NECTIN4: variants seen among roughly 807,000 people sequenced by gnomAD.
NECTIN4 encodes the protein nectin-4.
NECTIN4 carries 19 observed loss-of-function variants against 51.7 expected under a neutral mutation model. The observed-to-expected ratio is 0.37, with a 90% confidence interval of 0.26 to 0.54. NECTIN4 has a LOEUF of 0.54. NECTIN4 is among the 20% of genes least tolerant of loss of function. NECTIN4 has a pLI of 0.86. For missense variants in NECTIN4, 619 were observed against 662.4 expected, an observed-to-expected ratio of 0.93 and a Z score of 0.72; for synonymous variants, 283 against 286.9, an observed-to-expected ratio of 0.99 and a Z score of 0.14.
Position 161,074,651 on chromosome 1 carries a change from C to A in NECTIN4, c.960G>T (p.Glu320Asp). ...SGIYVCHVSN[E>D]FSSRDSQVTV... Reference sequence around the variant, plus strand: ...TGACCTGAGAATCCCTTGAGGAGAACTCATTGCTGACATGGCAGACGTAGA... The same window carrying A: ...TGACCTGAGAATCCCTTGAGGAGAAATCATTGCTGACATGGCAGACGTAGA... The change falls in exon 5 of 9, where the codon GAG (glutamate) becomes GAT (aspartate). Residue 320 changes from glutamate to aspartate, a missense_variant. Glu to Asp is a conservative substitution (Grantham distance 45). Coordinates refer to ENST00000368012, the MANE Select transcript of NECTIN4 (RefSeq NM_030916.3). 1 of 1,614,270 alleles carries A rather than the reference C, an allele frequency of 6.2e-7. No homozygotes were observed. Among genetic ancestry groups the A allele is most frequent in the Non-Finnish European group, 8.5e-7 (1 of 1,180,056 alleles).
In NECTIN4 at chr1:161,079,715, C is replaced by T; in HGVS notation, c.314G>A (p.Arg105His). The T allele has an allele frequency of 1.2e-6, 2 of 1,609,046 alleles. No individual in the cohort carries two copies. Among genetic ancestry groups the T allele is most frequent in the Non-Finnish European group, 1.7e-6 (2 of 1,179,762 alleles). The part of the protein sequence containing the change: ...EGRVEQPPPP[R>H]NPLDGSVLLR... ...GAGCACTGAGCCGTCCAGGGGGTTG[C>T]GTGGGGGCGGCGGCTGCTCCACGCG... The change falls in exon 2 of 9, where the codon CGC becomes CAC. Residue 105 changes from arginine (R) to histidine (H), a missense_variant. By Grantham distance (29) the Arg-to-His change is conservative (BLOSUM62 0). Around this residue, in one of 3 missense-constraint regions of NECTIN4, gnomAD observed 218 missense variants for 186.3 expected, o/e 1.17. Transcript: ENST00000368012.
Position 161,089,145 on chromosome 1 carries a change from T to C in NECTIN4, c.79+73A>G. ...ATGTGTGTGCGTGCGTGTGTGTCTA[T>C]GTGTTTGTGCATGTGTGTCAGTGCC... On this transcript the variant is annotated intron_variant, in intron 1 of 8. Transcript: ENST00000368012. This position sits in a 1 kb window ranked among gnomAD's most constrained non-coding sequence, Gnocchi z 4.1. 2 of 1,296,638 alleles carry C rather than the reference T, an allele frequency of 1.5e-6. No homozygotes were observed. Among genetic ancestry groups the C allele is most frequent in the Non-Finnish European group, 1.1e-6 (1 of 893,004 alleles). The allele number at this position is 1,296,638 out of a possible 1,614,324, so 80.3% of individuals were successfully genotyped here. A position where few individuals can be genotyped will look rare whatever the true frequency, so the allele number is the denominator to read the frequency against.
intron 3 of NECTIN4, among the ~76,000 whole-genome samples, chr1:161,077,035 A>G (rs1653443103): frequency 6.6e-6 from 1 of 152,196 alleles, no homozygotes. Context: ...AAAACCCTCT[A>G]AAGTTGGTAT....
chr1:161,076,402 G>A lies in NECTIN4; in HGVS notation c.804C>T (p.Leu268=), dbSNP rs1653417620. The change falls in exon 4 of 9, where the codon CTC becomes CTT. Residue 268 remains leucine, a synonymous_variant. Transcript: ENST00000368012. The part of the protein sequence containing the change: ...LWHIGREGAM[L]KCLSEGQPPP... ...GGGGCTGCCCTTCACTCAGGCACTT[G>A]AGCATAGCTCCTTCTCTGCCAATGT... The A allele has an allele frequency of 1.2e-6, 2 of 1,614,164 alleles. No homozygotes were observed. Among genetic ancestry groups the A allele is most frequent in the Non-Finnish European group, 1.7e-6 (2 of 1,180,012 alleles).
chr1:161,078,458 CCA>C (rs1653517867), intron 2 of NECTIN4, among the ~76,000 whole-genome samples: 2 of 151,820 alleles, frequency 1.3e-5, no homozygotes, highest in Non-Finnish European at 2.9e-5. Flanking sequence ...CAGGTGCGCA[CCA>C]CCACACCCAG....
chr1:161,074,724 T>C lies in NECTIN4; in HGVS notation c.887A>G (p.Asp296Gly), dbSNP rs1316184099. 1.9e-6 allele frequency: 3 copies of C among 1,613,914 alleles called. No individual in the cohort carries two copies. In the African/African-American group the frequency reaches 4.0e-5, roughly 22 times the overall value. Residue 296 changes from aspartate to glycine, a missense_variant, in exon 5 of 9, where the codon GAT (aspartate) becomes GGT (glycine). By Grantham distance (94) the Asp-to-Gly change is moderately conservative. This residue lies in a region of NECTIN4 where 364 missense variants were observed against 415.7 expected (regional missense o/e 0.88). Transcript: ENST00000368012. Reference sequence around the variant, plus strand: ...TGGGGGAAAGCCCAAAGTGTCCCCATCCACTCGTACCCCACTGGGCAGAGG... The same window carrying C: ...TGGGGGAAAGCCCAAAGTGTCCCCACCCACTCGTACCCCACTGGGCAGAGG... Reference protein sequence around the residue: ...DGPLPSGVRVDGDTLGFPPLT... With the variant: ...DGPLPSGVRVGGDTLGFPPLT...
intron 1 of NECTIN4, among the ~76,000 whole-genome samples, chr1:161,082,949 T>C (rs1653755000): frequency 6.6e-6 from 1 of 152,128 alleles, no homozygotes; most frequent in Non-Finnish European, 1.5e-5. Context: ...GATGGCATAT[T>C]TTCCATCCCT....
rs904528108 is a variant in NECTIN4 at position 161,073,207 on chromosome 1, T to G, written c.1308+18A>C. 1.9e-6 allele frequency: 3 copies of G among 1,611,298 alleles called. No individual in the cohort carries two copies. Among genetic ancestry groups the G allele is most frequent in the Non-Finnish European group, 2.5e-6 (3 of 1,177,598 alleles). On this transcript the variant is annotated intron_variant, in intron 8 of 8. Coordinates refer to ENST00000368012, the MANE Select transcript of NECTIN4 (RefSeq NM_030916.3). ...CCGAGGAGAGTGGTGGGGACACCGG[T>G]GGGGCCGGGGGCCTCACCATCACAG...
At chr1:161,085,498 C>T (rs866171631) in intron 1 of NECTIN4, among the ~76,000 whole-genome samples, 1 of 151,984 alleles carries the variant, frequency 6.6e-6, no homozygotes, top group African/African-American at 2.4e-5. Context: ...TGCCCCATCC[C>T]AAATCACAGC....
Position 161,074,736 on chromosome 1 carries a change from C to G in NECTIN4, c.875G>C (p.Gly292Ala). The G allele has an allele frequency of 6.2e-7, 1 of 1,613,934 alleles. No homozygotes were observed. Among genetic ancestry groups the G allele is most frequent in the Non-Finnish European group, 8.5e-7 (1 of 1,180,032 alleles). Residue 292 changes from glycine (G) to alanine (A), a missense_variant, in exon 5 of 9, where the codon GGG becomes GCG. Gly to Ala is a moderately conservative substitution (Grantham distance 60). This residue lies in a region of NECTIN4 where 364 missense variants were observed against 415.7 expected (regional missense o/e 0.88). Coordinates refer to ENST00000368012, the MANE Select transcript of NECTIN4 (RefSeq NM_030916.3). ...WTRLDGPLPS[G>A]VRVDGDTLGF... ...CAAAGTGTCCCCATCCACTCGTACC[C>G]CACTGGGCAGAGGCCCATCCAGCCT...
chr1:161,077,486 C>T lies in NECTIN4; in HGVS notation c.697G>A (p.Asp233Asn). 1 of 1,614,148 alleles carries T rather than the reference C, an allele frequency of 6.2e-7. No homozygotes were observed. Among genetic ancestry groups the T allele is most frequent in the Non-Finnish European group, 8.5e-7 (1 of 1,180,034 alleles). ...CVVSHPGLLQ[D>N]QRITHILHVS... is the part of the protein sequence containing the mutation. ...TGGAGGATGTGGGTGATCCTTTGGTCCTGGAGCAGGCCAGGATGGGACACC... is the reference window on the plus strand; with the variant it reads ...TGGAGGATGTGGGTGATCCTTTGGTTCTGGAGCAGGCCAGGATGGGACACC... Residue 233 changes from aspartate (D) to asparagine (N), a missense_variant, in exon 3 of 9, where the codon GAC (aspartate) becomes AAC (asparagine). Around this residue, in one of 3 missense-constraint regions of NECTIN4, gnomAD observed 364 missense variants for 415.7 expected, o/e 0.88. Coordinates refer to ENST00000368012, the MANE Select transcript of NECTIN4 (RefSeq NM_030916.3).
At chr1:161,078,310 T>C (rs1440156241) in intron 2 of NECTIN4, among the ~76,000 whole-genome samples, 1 of 152,070 alleles carries the variant, frequency 6.6e-6, no homozygotes, top group East Asian at 1.9e-4. Context: ...ATTTATTTAT[T>C]TATTTATCTA....
Position 161,076,485 on chromosome 1 carries a change from G to T in NECTIN4, c.731-10C>A. Reference sequence around the variant, plus strand: ...GAGGCCTCAGCAAGGACTGGAATGGGAAGTGGGAGGAGAAAGAATGGGAAT... The same window carrying T: ...GAGGCCTCAGCAAGGACTGGAATGGTAAGTGGGAGGAGAAAGAATGGGAAT... On this transcript the variant is annotated splice_polypyrimidine_tract_variant and intron_variant, in intron 3 of 8. Coordinates refer to ENST00000368012, the MANE Select transcript of NECTIN4 (RefSeq NM_030916.3). 1 of 1,613,896 alleles carries T rather than the reference G, an allele frequency of 6.2e-7. No individual in the cohort carries two copies.
chr1:161,079,294 A>G (rs941943298), intron 2 of NECTIN4, among the ~76,000 whole-genome samples: 2 of 152,250 alleles, frequency 1.3e-5, no homozygotes, highest in African/African-American at 4.8e-5. Flanking sequence ...GTTGTTGTGC[A>G]GAAAAGAGAA....
intron 8 of NECTIN4, 105 bp from the exon 9 acceptor site, chr1:161,072,990 G>A: frequency 8.5e-7 from 1 of 1,174,970 alleles, no homozygotes; most frequent in South Asian, 1.3e-5. Context: ...CGTAAGCAGG[G>A]GTAACGGTTG....
At position 161,079,639 on chromosome 1, in the gene NECTIN4, G is replaced by A. The variant is rs1204137774; in HGVS notation, c.390C>T (p.Ser130=). 6.2e-7 allele frequency: 1 copy of A among 1,605,352 alleles called. No homozygotes were observed. The highest frequency in any genetic ancestry group is 8.5e-7 in the Non-Finnish European group (1 of 1,179,696). The change falls in exon 2 of 9, where the codon AGC becomes AGT. Residue 130 remains serine (S), a synonymous_variant. Transcript: ENST00000368012. ...ADEGEYECRV[S]TFPAGSFQAR... is the part of the protein sequence containing the mutation. ...CCTGGAAGCTGCCGGCGGGGAAGGT[G>A]CTGACCCGGCACTCGTACTCGCCCT...
chr1:161,074,593 T>C lies in NECTIN4; in HGVS notation c.1000+18A>G, dbSNP rs41270007. 21,763 of 1,614,154 alleles carry C rather than the reference T, an allele frequency of 0.013. 205 individuals carry two copies. The highest frequency in any genetic ancestry group is 0.034 in the Middle Eastern group (208 of 6,062). On this transcript the variant is annotated intron_variant, in intron 5 of 8. Transcript: ENST00000368012. ...CTTGGCCCAGGTCCTTACCAAGGAC[T>C]TCTGCTCCAGTGCTTACCAAGAACA...
At chr1:161,080,242 T>C (rs181856757) in intron 1 of NECTIN4, among the ~76,000 whole-genome samples, 260 of 152,278 alleles carry the variant, frequency 1.7e-3, no homozygotes, top group South Asian at 2.3e-3. Flanking sequence ...TAGGATTGTA[T>C]CCTGAGCAGT....
intron 1 of NECTIN4, 69 bp from the exon 2 acceptor site, chr1:161,080,018 G>A (rs1653607922): frequency 1.3e-6 from 2 of 1,514,626 alleles, no homozygotes; most frequent in African/African-American, 2.8e-5. Context: ...CAGTCATAAT[G>A]ATAATGACAG....
Sources: gnomAD v4.1 joint callset for allele counts (sites outside exome capture counted in the v4.1 genomes callset) on GRCh38, gnomAD v4.1.1 for gene constraint, gnomAD v4.1.1 regional missense constraint, Gnocchi (gnomAD v3.1) non-coding constraint, MANE v1.5 for transcripts, NCBI Gene and HGNC (gene_info 2026-07-23, HGNC 2026-07-21) for gene names.